The following DNAJB5 variants were observed in gnomAD, a reference collection of about 807,000 sequenced individuals.
The protein encoded by DNAJB5 is dnaJ homolog subfamily B member 5.
In DNAJB5, 12 loss-of-function variants were observed where a neutral mutation model predicts 32.6. That is an observed-to-expected ratio of 0.37 (90% CI 0.24 to 0.60). DNAJB5 has a LOEUF of 0.60. DNAJB5 is among the 20% of genes least tolerant of loss of function. DNAJB5 has a pLI of 0.71. For synonymous variants in DNAJB5, 188 were observed against 212.9 expected (o/e 0.88, Z 1.02); for missense variants, 358 against 554.2 (o/e 0.65, Z 3.55).
intron 2 of DNAJB5, chr9:34,991,053 T>G: frequency 5.5e-6 from 3 of 544,888 alleles, no homozygotes; most frequent in African/African-American, 1.9e-5. Context: ...ACTCTCCACA[T>G]TCCTCCCTTT....
At chr9:34,994,291 C>T (rs1270153794) in intron 3 of DNAJB5, among the ~76,000 whole-genome samples, 3 of 152,236 alleles carry the variant, frequency 2.0e-5, no homozygotes, top group African/African-American at 7.2e-5. Flanking sequence ...TTCACCCTCC[C>T]CTTTCTATCC....
At position 34,990,608 on chromosome 9, in the gene DNAJB5, A is replaced by G. The variant is rs1159213589; in HGVS notation, c.-23A>G. The G allele has an allele frequency of 4.5e-6, 7 of 1,551,546 alleles. No homozygotes were observed. Among genetic ancestry groups the G allele is most frequent in the Non-Finnish European group, 5.2e-6 (6 of 1,146,938 alleles). On this transcript the variant is annotated 5_prime_UTR_variant, in exon 2 of 5. Transcript: ENST00000682809. This position sits in a 1 kb window ranked among gnomAD's most constrained non-coding sequence, Gnocchi z 4.5. ...TCAGGCCGGCTCCGGTGGAGCGATC[A>G]GAGGTGAGGGGCTTGGCTGGGCATG... is the stretch of plus-strand genomic sequence containing the variant.
Position 34,996,846 on chromosome 9 carries a change from G to A in DNAJB5, c.1009G>A (p.Ala337Thr). The A allele has an allele frequency of 6.2e-7, 1 of 1,610,614 alleles. No individual in the cohort carries two copies. The highest frequency in any genetic ancestry group is 8.5e-7 in the Non-Finnish European group (1 of 1,178,338). Residue 337 changes from alanine (A) to threonine (T), a missense_variant, in exon 4 of 5, where the codon GCC becomes ACC. Ala to Thr is a moderately conservative substitution (Grantham distance 58, BLOSUM62 0). Coordinates refer to ENST00000682809, the MANE Select transcript of DNAJB5 (RefSeq NM_001349723.3). The surrounding 1 kb of genome is among the most constrained non-coding windows in gnomAD (Gnocchi z 7.2). The stretch of plus-strand genomic sequence containing the variant: ...AGATGGCACCAACGTGCTCTACAGT[G>A]CCCTGATCAGCCTCAAGGAGGTGGG... ...RRDGTNVLYS[A>T]LISLKEALCG...
Position 34,993,332 on chromosome 9 carries a change from A to G in DNAJB5, c.315A>G (p.Pro105=). The change falls in exon 3 of 5, where the codon CCA becomes CCG. Residue 105 remains proline (P), a synonymous_variant. Coordinates refer to ENST00000682809, the MANE Select transcript of DNAJB5 (RefSeq NM_001349723.3). The surrounding 1 kb of genome is among the most constrained non-coding windows in gnomAD (Gnocchi z 4.7). The part of the protein sequence containing the change: ...AYRKMALKYH[P]DKNKEPNAEE... ...GGAAGATGGCCTTGAAGTACCACCC[A>G]GACAAGAATAAAGAACCCAACGCTG... 1 of 1,614,190 alleles carries G rather than the reference A, an allele frequency of 6.2e-7. No homozygotes were observed. The highest frequency in any genetic ancestry group is 1.7e-5 in the Admixed American group (1 of 60,032).
At position 34,993,502 on chromosome 9, in the gene DNAJB5, G is replaced by T. The variant is rs539289672; in HGVS notation, c.427+58G>T. 1 of 1,561,856 alleles carries T rather than the reference G, an allele frequency of 6.4e-7. No individual in the cohort carries two copies. Among genetic ancestry groups the T allele is most frequent in the Non-Finnish European group, 8.6e-7 (1 of 1,159,566 alleles). On this transcript the variant is annotated intron_variant, in intron 3 of 4. Coordinates refer to ENST00000682809, the MANE Select transcript of DNAJB5 (RefSeq NM_001349723.3). This position sits in a 1 kb window ranked among gnomAD's most constrained non-coding sequence, Gnocchi z 4.7. ...CCCCTCCGCTTGGTAGGGGTCCCAG[G>T]TGCACCAGTTTGTGTAGCGGGGAAC...
chr9:34,990,687 C>T lies in DNAJB5; in HGVS notation c.57C>T (p.Ala19=). The change falls in exon 2 of 5, where the codon GCC becomes GCT. Residue 19 remains alanine (A), a synonymous_variant. Coordinates refer to ENST00000682809, the MANE Select transcript of DNAJB5 (RefSeq NM_001349723.3). The surrounding 1 kb of genome is among the most constrained non-coding windows in gnomAD (Gnocchi z 4.5). ...CPPPAAPPLQ[A]RGAFRSFPHS... ...CCCCAGCAGCACCCCCACTGCAGGC[C>T]CGAGGAGCTTTCCGGAGCTTCCCAC... The T allele has an allele frequency of 6.4e-7, 1 of 1,551,724 alleles. No homozygotes were observed. Among genetic ancestry groups the T allele is most frequent in the Non-Finnish European group, 8.7e-7 (1 of 1,146,998 alleles).
chr9:34,990,172 C>T lies in DNAJB5; in HGVS notation c.-132-327C>T, dbSNP rs906217269. The T allele has an allele frequency of 1.8e-6, 2 of 1,109,174 alleles. No homozygotes were observed. Among genetic ancestry groups the T allele is most frequent in the Non-Finnish European group, 2.4e-6 (2 of 833,382 alleles). The allele number at this position is 1,109,174 out of a possible 1,614,324, so 68.7% of individuals were successfully genotyped here. On this transcript the variant is annotated intron_variant, in intron 1 of 4. Transcript: ENST00000682809. The surrounding 1 kb of genome is among the most constrained non-coding windows in gnomAD (Gnocchi z 4.5). Reference sequence around the variant, plus strand: ...CGCCCGAGCCCCCTCCCCTCCTCTCCTCGCCGCGCCTTTTGTCCCGGCCGA... The same window carrying T: ...CGCCCGAGCCCCCTCCCCTCCTCTCTTCGCCGCGCCTTTTGTCCCGGCCGA...
In DNAJB5 at chr9:34,996,092, G is replaced by C. The variant is rs1189879672; in HGVS notation, c.428-173G>C. On this transcript the variant is annotated intron_variant, in intron 3 of 4. Transcript: ENST00000682809. This position sits in a 1 kb window ranked among gnomAD's most constrained non-coding sequence, Gnocchi z 7.2. ...CGTTATTAAATATATAATTAGGAAT[G>C]GAAGATAATCTTGCCAGAAGCCTTT... 6.6e-6 allele frequency among the ~76,000 whole-genome samples: 1 copy of C among 152,138 alleles called. No individual in the cohort carries two copies. The highest frequency in any genetic ancestry group is 2.4e-5 in the African/African-American group (1 of 41,410).
Position 34,990,603 on chromosome 9 carries a change from C to T in DNAJB5, c.-28C>T, listed in dbSNP as rs1443895272. On this transcript the variant is annotated 5_prime_UTR_variant, in exon 2 of 5. Transcript: ENST00000682809. The surrounding 1 kb of genome is among the most constrained non-coding windows in gnomAD (Gnocchi z 4.5). The stretch of plus-strand genomic sequence containing the variant: ...GCACTTCAGGCCGGCTCCGGTGGAG[C>T]GATCAGAGGTGAGGGGCTTGGCTGG... The T allele has an allele frequency of 1.3e-6, 2 of 1,551,434 alleles. No individual in the cohort carries two copies. The highest frequency in any genetic ancestry group is 2.4e-5 in the East Asian group (1 of 40,916).
In DNAJB5 at chr9:34,997,012, T is replaced by C; in HGVS notation, c.1030-14T>C. On this transcript the variant is annotated splice_polypyrimidine_tract_variant and intron_variant, in intron 4 of 4. Coordinates refer to ENST00000682809, the MANE Select transcript of DNAJB5 (RefSeq NM_001349723.3). The surrounding 1 kb of genome is among the most constrained non-coding windows in gnomAD (Gnocchi z 4.1). ...ACCCCACCTTTTCCTCACTTTCTGC[T>C]TCGTCTTTCCCAGGCGCTGTGTGGC... 1 of 1,610,796 alleles carries C rather than the reference T, an allele frequency of 6.2e-7. No individual in the cohort carries two copies. Among genetic ancestry groups the C allele is most frequent in the East Asian group, 2.2e-5 (1 of 44,872 alleles).
In DNAJB5 at chr9:34,993,631, C is replaced by A. The variant is rs183024361; in HGVS notation, c.427+187C>A. On this transcript the variant is annotated intron_variant, in intron 3 of 4. Transcript: ENST00000682809. This position sits in a 1 kb window ranked among gnomAD's most constrained non-coding sequence, Gnocchi z 4.7. ...CAGCTCAGCTCACCCTAGTTCTCCC[C>A]GCCTCTCTCTGCCCCCTCCCTCCTC... 1.1e-4 allele frequency among the ~76,000 whole-genome samples: 17 copies of A among 152,214 alleles called. No homozygotes were observed. Among genetic ancestry groups the A allele is most frequent in the Admixed American group, 3.9e-4 (6 of 15,300 alleles).
chr9:34,993,135 G>T lies in DNAJB5; in HGVS notation c.183-65G>T. The T allele has an allele frequency of 6.6e-7, 1 of 1,525,424 alleles. No homozygotes were observed. The highest frequency in any genetic ancestry group is 8.8e-7 in the Non-Finnish European group (1 of 1,139,960). The allele number at this position is 1,525,424 out of a possible 1,614,324, so 94.5% of individuals were successfully genotyped here. Reference sequence around the variant, plus strand: ...CCAGGGAGTCATTTAGGGATTGCAAGATCATCAGGAACAGGGCTGGGGCAG... The same window carrying T: ...CCAGGGAGTCATTTAGGGATTGCAATATCATCAGGAACAGGGCTGGGGCAG... On this transcript the variant is annotated intron_variant, in intron 2 of 4. Coordinates refer to ENST00000682809, the MANE Select transcript of DNAJB5 (RefSeq NM_001349723.3). This position sits in a 1 kb window ranked among gnomAD's most constrained non-coding sequence, Gnocchi z 4.7.
chr9:34,991,675 C>CCCCCA, intron 2 of DNAJB5: 1 of 254,454 alleles, frequency 3.9e-6, no homozygotes, highest in Non-Finnish European at 7.9e-6. Context: ...GTTGCCCCCC[C>CCCCCA]CCCCAACGAG....
intron 3 of DNAJB5, among the ~76,000 whole-genome samples, chr9:34,994,689 G>C (rs923255544): frequency 6.6e-6 from 1 of 152,164 alleles, no homozygotes; most frequent in Non-Finnish European, 1.5e-5. Context: ...GCTCCCTTGA[G>C]ATACTTCACC....
At position 34,997,326 on chromosome 9, in the gene DNAJB5, A is replaced by C. The variant is rs1367480334; in HGVS notation, c.*67A>C. ...CCAACACTCACTCCACTCAATGTGC[A>C]CCCAGCTTGATGTCCACTGGACACT... is the stretch of plus-strand genomic sequence containing the variant. On this transcript the variant is annotated 3_prime_UTR_variant, in exon 5 of 5. Coordinates refer to ENST00000682809, the MANE Select transcript of DNAJB5 (RefSeq NM_001349723.3). This position sits in a 1 kb window ranked among gnomAD's most constrained non-coding sequence, Gnocchi z 4.1. 6.6e-7 allele frequency: 1 copy of C among 1,507,490 alleles called. No homozygotes were observed. The highest frequency in any genetic ancestry group is 1.7e-5 in the Admixed American group (1 of 59,724). The allele number at this position is 1,507,490 out of a possible 1,614,324, so 93.4% of individuals were successfully genotyped here. A position where few individuals can be genotyped will look rare whatever the true frequency, so the allele number is the denominator to read the frequency against.
In DNAJB5 at chr9:34,990,197, AGC is replaced by A; in HGVS notation, c.-132-301_-132-300del. Reference sequence around the variant, plus strand: ...CTCGCCGCGCCTTTTGTCCCGGCCGAGCTCCGCTCTGCCCCGCCCATCTGCGA... The same window carrying A: ...CTCGCCGCGCCTTTTGTCCCGGCCGATCCGCTCTGCCCCGCCCATCTGCGA... On this transcript the variant is annotated intron_variant, in intron 1 of 4. Transcript: ENST00000682809. The surrounding 1 kb of genome is among the most constrained non-coding windows in gnomAD (Gnocchi z 4.5). 1 of 1,196,574 alleles carries A rather than the reference AGC, an allele frequency of 8.4e-7. No homozygotes were observed. The highest frequency in any genetic ancestry group is 1.1e-6 in the Non-Finnish European group (1 of 930,522). The allele number at this position is 1,196,574 out of a possible 1,614,324, so 74.1% of individuals were successfully genotyped here.
At chr9:34,994,242 CCCCAACAGAATCCA>C (rs2132980209) in intron 3 of DNAJB5, among the ~76,000 whole-genome samples, 1 of 152,360 alleles carries the variant, frequency 6.6e-6, no homozygotes, top group East Asian at 1.9e-4. Flanking sequence ...TGTCCTTCCT[CCCCAACAGAATCCA>C]CCTTTCTTTC....
Position 34,998,402 on chromosome 9 carries a change from T to G in DNAJB5, c.*1143T>G, listed in dbSNP as rs1324144497. The G allele has an allele frequency of 6.6e-6, 1 of 152,604 alleles. No individual in the cohort carries two copies. The highest frequency in any genetic ancestry group is 2.4e-5 in the African/African-American group (1 of 41,436). The allele number at this position is 152,604 out of a possible 1,614,324, so 9.5% of individuals were successfully genotyped here. A position where few individuals can be genotyped will look rare whatever the true frequency, so the allele number is the denominator to read the frequency against. On this transcript the variant is annotated 3_prime_UTR_variant, in exon 5 of 5. Coordinates refer to ENST00000682809, the MANE Select transcript of DNAJB5 (RefSeq NM_001349723.3). ...GTATTTTTTTGTAATGACAGTATTA[T>G]GTAAAAAATAAAGTATTTTAAAAAT...
chr9:34,991,681 A>G, intron 2 of DNAJB5: 3 of 178,772 alleles, frequency 1.7e-5, no homozygotes, highest in South Asian at 9.0e-5. Context: ...CCCCCCCCCA[A>G]CGAGGTGCTC....
Sources: gnomAD v4.1 joint callset for allele counts (sites outside exome capture counted in the v4.1 genomes callset) on GRCh38, gnomAD v4.1.1 for gene constraint, Gnocchi (gnomAD v3.1) non-coding constraint, MANE v1.5 for transcripts, NCBI Gene and HGNC (gene_info 2026-07-23, HGNC 2026-07-21) for gene names.